The following STX8 variants were observed in gnomAD, a reference collection of about 807,000 sequenced individuals.
STX8 encodes the protein syntaxin 8, also known as syntaxin-8.
In STX8, 23 loss-of-function variants were observed where a neutral mutation model predicts 37.5. The observed-to-expected ratio is 0.61, with a 90% confidence interval of 0.44 to 0.87. The LOEUF (loss-of-function observed/expected upper bound fraction) is 0.87, where lower values mean the gene tolerates loss of function less well. Ranked by LOEUF, STX8 falls within the 40% of genes least tolerant of loss-of-function variation. The pLI, the probability that STX8 is intolerant of heterozygous loss-of-function variation, is 0.00. For synonymous variants in STX8, 115 were observed against 99.1 expected, an observed-to-expected ratio of 1.16 and a Z score of -0.95; for missense variants, 313 against 284.7, an observed-to-expected ratio of 1.10 and a Z score of -0.71.
intron 7 of STX8, among the ~76,000 whole-genome samples, chr17:9,260,465 A>T (rs1263603225): frequency 6.6e-6 from 1 of 152,086 alleles, no homozygotes; most frequent in African/African-American, 2.4e-5. Context: ...CTCTACTAAA[A>T]ATACAAAAAT....
At chr17:9,514,658 T>C (rs1027578759) in intron 4 of STX8, among the ~76,000 whole-genome samples, 1 of 152,126 alleles carries the variant, frequency 6.6e-6, no homozygotes, top group African/African-American at 2.4e-5. Flanking sequence ...GATGTTACAA[T>C]AGCAATAACA....
chr17:9,392,314 T>G (rs1037554232), intron 6 of STX8, among the ~76,000 whole-genome samples: 5 of 152,204 alleles, frequency 3.3e-5, no homozygotes, highest in African/African-American at 1.2e-4. Context: ...GTTGGAGTTA[T>G]CTGACAAAGA....
intron 5 of STX8, among the ~76,000 whole-genome samples, chr17:9,492,199 G>A (rs1906880981): frequency 6.6e-6 from 1 of 152,082 alleles, no homozygotes; most frequent in Non-Finnish European, 1.5e-5. Flanking sequence ...TATATAAAGA[G>A]CATGTACAAA....
intron 7 of STX8, among the ~76,000 whole-genome samples, chr17:9,252,797 C>G (rs920946395): frequency 1.3e-5 from 2 of 152,144 alleles, no homozygotes; most frequent in African/African-American, 4.8e-5. Context: ...AAACCTCATC[C>G]TAGTCTACCT....
chr17:9,447,747 C>T (rs1251937725), intron 6 of STX8, among the ~76,000 whole-genome samples: 18 of 152,064 alleles, frequency 1.2e-4, no homozygotes, highest in Admixed American at 1.2e-3. Flanking sequence ...AAGCAATCTT[C>T]ATACCAAATG....
chr17:9,483,198 T>G (rs1332926312), intron 6 of STX8, among the ~76,000 whole-genome samples: 1 of 151,904 alleles, frequency 6.6e-6, no homozygotes, highest in Non-Finnish European at 1.5e-5. Flanking sequence ...CCGCAGAAGC[T>G]CTCAGGAAGA....
intron 6 of STX8, among the ~76,000 whole-genome samples, chr17:9,482,024 A>C (rs1906371106): frequency 6.6e-6 from 1 of 152,146 alleles, no homozygotes; most frequent in South Asian, 2.1e-4. Flanking sequence ...AGAATCTTCT[A>C]AGCCAGGCGT....
chr17:9,314,052 T>C (rs538384132), intron 7 of STX8, among the ~76,000 whole-genome samples: 5 of 152,362 alleles, frequency 3.3e-5, no homozygotes, highest in South Asian at 2.1e-4. Context: ...GTTATTTATA[T>C]ACACGTCTTA....
At chr17:9,295,745 T>TC (rs1041884446) in intron 7 of STX8, among the ~76,000 whole-genome samples, 5 of 146,552 alleles carry the variant, frequency 3.4e-5, no homozygotes, top group Admixed American at 6.9e-5. Flanking sequence ...CCGTCCCCCC[T>TC]CCCCCCCAAA....
chr17:9,485,901 A>C (rs902738557), intron 6 of STX8, among the ~76,000 whole-genome samples: 16 of 152,290 alleles, frequency 1.1e-4, no homozygotes, highest in African/African-American at 3.6e-4. Context: ...GGGAGTTCTA[A>C]ATCTGACCAG....
intron 4 of STX8, among the ~76,000 whole-genome samples, chr17:9,513,431 A>G (rs80144447): frequency 0.07 from 10,675 of 152,226 alleles, 1,308 homozygotes; most frequent in African/African-American, 0.24. Context: ...CAAATTGCTC[A>G]GCATTACTAA....
chr17:9,415,002 G>C (rs1421649212), intron 6 of STX8, among the ~76,000 whole-genome samples: 1 of 151,868 alleles, frequency 6.6e-6, no homozygotes, highest in East Asian at 1.9e-4. Context: ...TGTTGGCCAG[G>C]CTGGTCTTGA....
chr17:9,471,829 C>T (rs1905877878), intron 6 of STX8, among the ~76,000 whole-genome samples: 1 of 152,156 alleles, frequency 6.6e-6, no homozygotes, highest in South Asian at 2.1e-4. Flanking sequence ...GCACTTCAAC[C>T]AGGAGCCTTT....
chr17:9,529,419 ATTCT>A (rs1415357297), intron 4 of STX8, among the ~76,000 whole-genome samples: 1 of 152,228 alleles, frequency 6.6e-6, no homozygotes, highest in Non-Finnish European at 1.5e-5. Flanking sequence ...ATTTGCACTT[ATTCT>A]TTAATTCAAG....
At chr17:9,400,558 C>T (rs183302807) in intron 6 of STX8, among the ~76,000 whole-genome samples, 3 of 152,146 alleles carry the variant, frequency 2.0e-5, no homozygotes, top group Admixed American at 2.0e-4. Context: ...GCACACACCA[C>T]CACGCCTGGC....
At chr17:9,557,201 A>G (rs1021295327) in intron 3 of STX8, 12 of 448,770 alleles carry the variant, frequency 2.7e-5, no homozygotes, top group African/African-American at 2.0e-4. Context: ...TGAACTGTAC[A>G]GGTTATACCC....
rs1909207052 is a variant in STX8, at chr17:9,311,975, G to A, written c.644-61330C>T. Among the ~76,000 whole-genome samples the A allele has an allele frequency of 2.0e-5, 3 of 151,614 alleles. No individual in the cohort carries two copies. In the South Asian group the frequency reaches 6.3e-4, roughly 32 times the overall value. Reference sequence around the variant, plus strand: ...CTATTCTCCTGCCTCAGCCTCCCGAGTAGCTGAGATTACAGGTGCCCGCCA... The same window carrying A: ...CTATTCTCCTGCCTCAGCCTCCCGAATAGCTGAGATTACAGGTGCCCGCCA... On this transcript the variant is annotated intron_variant, in intron 7 of 7. Transcript: ENST00000306357.
intron 6 of STX8, among the ~76,000 whole-genome samples, chr17:9,385,975 T>G (rs1911990933): frequency 6.6e-6 from 1 of 152,168 alleles, no homozygotes; most frequent in South Asian, 2.1e-4. Context: ...GGTTTCACCA[T>G]GTTGGCCAGG....
rs559373202 is a variant in STX8, at chr17:9,275,765, G to A, written c.644-25120C>T. 1.1e-4 allele frequency among the ~76,000 whole-genome samples: 17 copies of A among 152,146 alleles called. No homozygotes were observed. The South Asian group carries it at 2.9e-3, about 26-fold the overall frequency. Reference sequence around the variant, plus strand: ...TGCCTGTAATCCCAGCTACTCGGGAGGCTGAGGCAGGAGAATCATTTGAAC... The same window carrying A: ...TGCCTGTAATCCCAGCTACTCGGGAAGCTGAGGCAGGAGAATCATTTGAAC... On this transcript the variant is annotated intron_variant, in intron 7 of 7. Transcript: ENST00000306357.
Sources: allele counts gnomAD v4.1 joint callset (sites outside exome capture counted in the v4.1 genomes callset), GRCh38; gene constraint gnomAD v4.1.1; transcripts MANE v1.5; gene names NCBI Gene and HGNC (gene_info 2026-07-23, HGNC 2026-07-21).